DOCK9: variants seen among roughly 807,000 people sequenced by gnomAD.
DOCK9 encodes the protein dedicator of cytokinesis protein 9.
In DOCK9, 89 loss-of-function variants were observed where a neutral mutation model predicts 263.3. The ratio of observed to expected loss-of-function variants is 0.34; its 90% confidence interval spans 0.28 to 0.40. The LOEUF (loss-of-function observed/expected upper bound fraction) is 0.40, where lower values mean the gene tolerates loss of function less well. Ranked by LOEUF, DOCK9 falls within the 10% of genes least tolerant of loss-of-function variation. DOCK9 has a pLI of 1.00. For synonymous variants in DOCK9, 976 were observed against 973.1 expected (o/e 1.00, Z -0.06); for missense variants, 2,140 against 2,603.4 (o/e 0.82, Z 3.87).
At chr13:98,874,984 G>A (rs2094291840) in intron 27 of DOCK9, among the ~76,000 whole-genome samples, 1 of 152,056 alleles carries the variant, frequency 6.6e-6, no homozygotes, top group African/African-American at 2.4e-5. Context: ...GGCCTTACCT[G>A]GGCCTGAGCT....
chr13:98,805,277 G>T, intron 48 of DOCK9, 68 bp from the exon 49 acceptor site: 1 of 1,338,850 alleles, frequency 7.5e-7, no homozygotes, highest in East Asian at 2.5e-5. Context: ...TTACCTACGT[G>T]GTATTTTCCA....
At chr13:98,990,246 A>C (rs1416747589) in intron 1 of DOCK9, among the ~76,000 whole-genome samples, 2 of 152,236 alleles carry the variant, frequency 1.3e-5, no homozygotes, top group African/African-American at 4.8e-5. Context: ...TTCCGTATGC[A>C]TTCTTCACAA....
intron 1 of DOCK9, among the ~76,000 whole-genome samples, chr13:98,971,695 G>A (rs1045832935): frequency 3.1e-4 from 47 of 152,244 alleles, no homozygotes; most frequent in African/African-American, 1.0e-3. Flanking sequence ...GTGACAGAGC[G>A]AGACTCCATC....
intron 1 of DOCK9, among the ~76,000 whole-genome samples, chr13:99,078,311 T>C (rs1162613828): frequency 6.6e-6 from 1 of 151,968 alleles, no homozygotes; most frequent in Admixed American, 6.6e-5. Flanking sequence ...TATAAACCAG[T>C]GGTGGAGAAG....
At chr13:99,085,989 C>A (rs1005656901) in intron 1 of DOCK9, among the ~76,000 whole-genome samples, 5 of 152,080 alleles carry the variant, frequency 3.3e-5, no homozygotes, top group African/African-American at 1.2e-4. Flanking sequence ...AAGGGGACAG[C>A]GATGGGGACA....
At chr13:98,866,863 CG>C (rs1438618843) in intron 30 of DOCK9, among the ~76,000 whole-genome samples, 2 of 152,100 alleles carry the variant, frequency 1.3e-5, no homozygotes, top group Admixed American at 1.3e-4. Context: ...AGCAAAAAAC[CG>C]GATGCCTCCC....
intron 7 of DOCK9, 115 bp downstream of exon 7, chr13:98,920,839 A>G: frequency 9.9e-7 from 1 of 1,006,276 alleles, no homozygotes; most frequent in Non-Finnish European, 1.4e-6. Flanking sequence ...GTTATATGTT[A>G]TATTTCTACC....
chr13:98,901,975 C>A, intron 12 of DOCK9, 75 bp from the exon 13 acceptor site: 1 of 1,544,950 alleles, frequency 6.5e-7, no homozygotes, highest in Non-Finnish European at 8.8e-7. Flanking sequence ...CATTAAACAG[C>A]AAAGAACAGT....
At chr13:99,024,932 CCT>C (rs1462640757) in intron 1 of DOCK9, among the ~76,000 whole-genome samples, 1 of 152,064 alleles carries the variant, frequency 6.6e-6, no homozygotes, top group African/African-American at 2.4e-5. Flanking sequence ...TCCATATTTC[CCT>C]GTTTATAGAA....
chr13:98,892,476 C>T (rs1216539445), intron 15 of DOCK9, among the ~76,000 whole-genome samples: 1 of 151,838 alleles, frequency 6.6e-6, no homozygotes, highest in African/African-American at 2.4e-5. Context: ...AGGAAATATT[C>T]CCTAAAAGCT....
At chr13:99,027,243 C>T (rs1011456119) in intron 1 of DOCK9, among the ~76,000 whole-genome samples, 1 of 152,138 alleles carries the variant, frequency 6.6e-6, no homozygotes, top group Non-Finnish European at 1.5e-5. Flanking sequence ...TGGTATCGAA[C>T]TCCTAACCTC....
chr13:98,851,469 C>T (rs1307401329), intron 35 of DOCK9, among the ~76,000 whole-genome samples: 2 of 152,188 alleles, frequency 1.3e-5, no homozygotes, highest in Non-Finnish European at 2.9e-5. Flanking sequence ...CTGCAGACCC[C>T]TGTGGCCACC....
Position 98,831,652 on chromosome 13 carries a change from A to G in DOCK9, c.4449T>C (p.Tyr1483=). 6.2e-7 allele frequency: 1 copy of G among 1,612,480 alleles called. No individual in the cohort carries two copies. The highest frequency in any genetic ancestry group is 8.5e-7 in the Non-Finnish European group (1 of 1,179,290). Reference sequence around the variant, plus strand: ...CACTGCCCATGAAGCAACTTACCTTATAAATTAAGGACCTTAAGGCAGTGA... The same window carrying G: ...CACTGCCCATGAAGCAACTTACCTTGTAAATTAAGGACCTTAAGGCAGTGA... ...NVFTALRSLI[Y]KFPSTFYEGR... is the part of the protein sequence containing the mutation. Residue 1483 remains tyrosine, a synonymous_variant, in exon 40 of 53, where the codon TAT becomes TAC. Transcript: ENST00000682017.
chr13:99,003,146 G>T (rs1567194733), intron 1 of DOCK9, among the ~76,000 whole-genome samples: 1 of 152,192 alleles, frequency 6.6e-6, no homozygotes, highest in South Asian at 2.1e-4. Context: ...CTAAAAGGAT[G>T]GTGTGCACAT....
chr13:98,881,080 T>C (rs61968720), intron 25 of DOCK9, among the ~76,000 whole-genome samples: 7,261 of 152,354 alleles, frequency 0.048, 271 homozygotes, highest in Non-Finnish European at 0.075. Flanking sequence ...GCCACTCTAC[T>C]TACTGGATGT....
intron 1 of DOCK9, among the ~76,000 whole-genome samples, chr13:99,008,235 T>TATATATATATATA (rs1491213376): frequency 9.0e-4 from 52 of 58,052 alleles, no homozygotes; most frequent in South Asian, 4.9e-3. Flanking sequence ...TATATATATA[T>TATATATATATATA]TTTTTTTTTT....
intron 47 of DOCK9, chr13:98,809,151 G>C (rs1300539709): frequency 6.5e-7 from 1 of 1,533,792 alleles, no homozygotes; most frequent in African/African-American, 1.4e-5. Flanking sequence ...ATAAAGAAAA[G>C]ACAGGAAGAA....
intron 50 of DOCK9, among the ~76,000 whole-genome samples, chr13:98,798,512 G>C (rs1212021012): frequency 6.9e-6 from 1 of 145,892 alleles, no homozygotes; most frequent in African/African-American, 2.5e-5. Flanking sequence ...GGGGGGAACT[G>C]TATTCATCAC....
intron 1 of DOCK9, among the ~76,000 whole-genome samples, chr13:99,008,382 T>C (rs527838292): frequency 2.0e-3 from 299 of 151,930 alleles, no homozygotes; most frequent in African/African-American, 6.6e-3. Flanking sequence ...TATAGGTGCC[T>C]GCCACCACAC....
Sources: allele counts gnomAD v4.1 joint callset (sites outside exome capture counted in the v4.1 genomes callset), GRCh38; gene constraint gnomAD v4.1.1; transcripts MANE v1.5; gene names NCBI Gene and HGNC (gene_info 2026-07-23, HGNC 2026-07-21).